DMD: variants seen among roughly 807,000 people sequenced by gnomAD.
DMD encodes dystrophin.
Under a neutral mutation model 330.1 loss-of-function variants are expected in DMD, and 63 were observed. The observed-to-expected ratio is 0.19, with a 90% CI of 0.16 to 0.24. The LOEUF is 0.24. Ranked by LOEUF, DMD falls within the 10% of genes least tolerant of loss-of-function variation. The pLI is 1.00. For synonymous variants in DMD, 1,223 were observed against 959.8 expected (o/e 1.27, Z -5.07); for missense variants, 3,344 against 2,684.1 (o/e 1.25, Z -5.43).
At chrX:31,386,956 A>G (rs2060474256) in intron 60 of DMD, among the ~76,000 whole-genome samples, 1 of 111,714 alleles carries the variant, frequency 9.0e-6, no homozygotes, top group Non-Finnish European at 1.9e-5. Context: ...CACCTTGGGA[A>G]TATTGCTCTT....
chrX:31,385,727 C>G (rs189592963), intron 60 of DMD, among the ~76,000 whole-genome samples: 16 of 112,211 alleles, frequency 1.4e-4, no homozygotes, highest in African/African-American at 4.5e-4. Flanking sequence ...AGTCAGGAAA[C>G]AACAGATGCC....
At chrX:32,660,625 C>G in intron 9 of DMD, among the ~76,000 whole-genome samples, 1 of 111,316 alleles carries the variant, frequency 9.0e-6, no homozygotes, top group Non-Finnish European at 1.9e-5. Context: ...AATCTAGTCT[C>G]TTTCTTAATA....
intron 2 of DMD, among the ~76,000 whole-genome samples, chrX:32,879,015 A>AAAAC (rs1316094045): frequency 1.2e-4 from 12 of 104,225 alleles, no homozygotes; most frequent in African/African-American, 3.5e-4. Context: ...CTCAAAAAAA[A>AAAAC]AACAAAAAAC....
At chrX:31,976,997 C>T (rs2095440717) in intron 44 of DMD, among the ~76,000 whole-genome samples, 1 of 111,188 alleles carries the variant, frequency 9.0e-6, no homozygotes, top group East Asian at 2.8e-4. Flanking sequence ...ATGGGGACAC[C>T]CTAGAAAATG....
intron 62 of DMD, among the ~76,000 whole-genome samples, chrX:31,264,508 G>A (rs915555477): frequency 1.8e-5 from 2 of 111,888 alleles, no homozygotes; most frequent in East Asian, 2.8e-4. Flanking sequence ...TCCTTAAAAC[G>A]CTCTTTACAT....
At position 31,120,291 on chromosome X, in the gene DMD, T is replaced by G. The variant is rs1281175319; in HGVS notation, c.*1628A>C. Reference sequence around the variant, plus strand: ...CAATTTTTGTTTGTTTGTTTATATATTTAACCTGTCTAATCCACCAAGAAG... The same window carrying G: ...CAATTTTTGTTTGTTTGTTTATATAGTTAACCTGTCTAATCCACCAAGAAG... On this transcript the variant is annotated 3_prime_UTR_variant, in exon 79 of 79. Coordinates refer to ENST00000357033, the MANE Select transcript of DMD (RefSeq NM_004006.3). The G allele has an allele frequency of 8.9e-6, 1 of 112,231 alleles. No homozygotes were observed. Among genetic ancestry groups the G allele is most frequent in the East Asian group, 2.8e-4 (1 of 3,582 alleles). The allele number at this position is 112,231 out of a possible 1,213,427, so 9.2% of individuals were successfully genotyped here. A position where few individuals can be genotyped will look rare whatever the true frequency, so the allele number is the denominator to read the frequency against.
rs996942755 is a variant in DMD at position 33,314,872 on chromosome X, G to C, written c.7+24387C>G. 4.5e-5 allele frequency among the ~76,000 whole-genome samples: 5 copies of C among 110,617 alleles called. No homozygotes were observed. In the East Asian group the frequency reaches 1.1e-3, roughly 25 times the overall value. ...TCACTCTTGTTGCCCAGGCTGGAGT[G>C]CAATGGCGTGATCTTGGCTCACTAC... On this transcript the variant is annotated intron_variant, in intron 1 of 17. Coordinates refer to the DMD transcript ENST00000288447.
At chrX:33,247,784 T>C (rs1354837799) in intron 1 of DMD, among the ~76,000 whole-genome samples, 1 of 112,026 alleles carries the variant, frequency 8.9e-6, no homozygotes, top group Non-Finnish European at 1.9e-5. Context: ...TAACAAATGC[T>C]ATAAGCATTT....
chrX:31,492,209 C>T (rs1044886245), intron 57 of DMD, among the ~76,000 whole-genome samples: 2 of 112,332 alleles, frequency 1.8e-5, no homozygotes, highest in African/African-American at 6.5e-5. Context: ...AACAAAAGTC[C>T]ACAAATATAA....
chrX:32,061,926 A>G (rs1438944198), intron 44 of DMD, among the ~76,000 whole-genome samples: 1 of 111,424 alleles, frequency 9.0e-6, no homozygotes. Context: ...GAAGCACATG[A>G]ACTCTTTATT....
intron 43 of DMD, among the ~76,000 whole-genome samples, chrX:32,269,435 A>G (rs1420571775): frequency 8.9e-6 from 1 of 111,944 alleles, no homozygotes; most frequent in Admixed American, 9.5e-5. Context: ...AAAGTTTTTA[A>G]ATAAACTTTC....
At chrX:31,861,596 AAAAG>A (rs1347226920) in intron 48 of DMD, among the ~76,000 whole-genome samples, 2 of 105,780 alleles carry the variant, frequency 1.9e-5, no homozygotes, top group Admixed American at 2.0e-4. Context: ...AAAAAAAAAA[AAAAG>A]AGACAGTTCT....
chrX:31,670,410 T>C (rs1410589858), intron 53 of DMD, among the ~76,000 whole-genome samples: 2 of 112,154 alleles, frequency 1.8e-5, no homozygotes, highest in Non-Finnish European at 3.8e-5. Context: ...ACAATAACAT[T>C]AGCTGTGGAA....
chrX:31,301,196 C>T (rs2054614066), intron 62 of DMD, among the ~76,000 whole-genome samples: 2 of 111,808 alleles, frequency 1.8e-5, no homozygotes, highest in Admixed American at 9.5e-5. Flanking sequence ...TGCGAAGAAT[C>T]TGGAGAAAGC....
In DMD at chrX:31,964,596, A is replaced by AGTGT. The variant is rs59973399; in HGVS notation, c.6614+3739_6614+3742dup. ...TAACTTATTTGCAAAAATGTTAAAA[A>AGTGT]GTGTGTGTGTGTGTGTGTGTGTGTG... On this transcript the variant is annotated intron_variant, in intron 45 of 78. Transcript: ENST00000357033. Among the ~76,000 whole-genome samples the AGTGT allele has an allele frequency of 8.4e-3, 834 of 99,606 alleles. 4 individuals carry two copies. The highest frequency in any genetic ancestry group is 0.026 in the African/African-American group (692 of 27,006). The allele number at this position is 99,606 out of a possible 115,157, so 86.5% of individuals were successfully genotyped here.
intron 32 of DMD, among the ~76,000 whole-genome samples, chrX:32,389,099 G>A (rs113520323): frequency 9.0e-6 from 1 of 111,392 alleles, no homozygotes; most frequent in Non-Finnish European, 1.9e-5. Flanking sequence ...CAGGTAATCT[G>A]TAGCCTTAAG....
At chrX:31,592,287 A>G (rs977991140) in intron 55 of DMD, among the ~76,000 whole-genome samples, 5 of 107,670 alleles carry the variant, frequency 4.6e-5, no homozygotes, top group Non-Finnish European at 9.6e-5. Flanking sequence ...TAAAACATAC[A>G]TATATTCTAC....
At chrX:31,931,750 G>A (rs2094856179) in intron 46 of DMD, among the ~76,000 whole-genome samples, 2 of 111,100 alleles carry the variant, frequency 1.8e-5, no homozygotes, top group South Asian at 7.6e-4. Context: ...AAGTTCTCAA[G>A]TAAAATCTAA....
chrX:32,178,583 A>G (rs1366214119), intron 44 of DMD, among the ~76,000 whole-genome samples: 1 of 110,571 alleles, frequency 9.0e-6, no homozygotes, highest in Non-Finnish European at 1.9e-5. Flanking sequence ...TATTTTAATC[A>G]TTTGTATCCT....
Sources: gnomAD v4.1 joint callset for allele counts (sites outside exome capture counted in the v4.1 genomes callset) on GRCh38, gnomAD v4.1.1 for gene constraint, MANE v1.5 for transcripts, NCBI Gene and HGNC (gene_info 2026-07-23, HGNC 2026-07-21) for gene names.